TMPRSS9: variants seen among roughly 807,000 people sequenced by gnomAD.
The protein encoded by TMPRSS9 is transmembrane serine protease 9.
Under a neutral mutation model 111.4 loss-of-function variants are expected in TMPRSS9, and 113 were observed. The observed-to-expected ratio is 1.01, with a 90% CI of 0.87 to 1.19. The LOEUF (loss-of-function observed/expected upper bound fraction) is 1.19. TMPRSS9 is among the 50% of genes most tolerant of loss of function. The probability of loss-of-function intolerance (pLI) is 0.00; values close to 1 mark genes in which losing one functional copy is unlikely to be tolerated. For missense variants in TMPRSS9, 1,803 were observed against 1,513.1 expected (o/e 1.19, Z -3.18); for synonymous variants, 805 against 659.1 (o/e 1.22, Z -3.39).
chr19:2,367,345 T>G (rs996455204), intron 1 of TMPRSS9, among the ~76,000 whole-genome samples: 2 of 152,118 alleles, frequency 1.3e-5, no homozygotes, highest in Non-Finnish European at 2.9e-5. Context: ...ATAAATGAGA[T>G]GATGACTGTA....
intron 1 of TMPRSS9, among the ~76,000 whole-genome samples, chr19:2,379,957 C>A (rs1358537328): frequency 6.6e-6 from 1 of 151,786 alleles, no homozygotes; most frequent in African/African-American, 2.4e-5. Flanking sequence ...TTATGTTGCC[C>A]AAGCTGGTCT....
At chr19:2,399,168 C>A in exon 4 of TMPRSS9, 1 of 1,608,034 alleles carries the variant, frequency 6.2e-7, no homozygotes, top group Non-Finnish European at 8.5e-7. Context: ...CTGCCTATGG[C>A]ACAATTGTGT....
intron 14 of TMPRSS9, among the ~76,000 whole-genome samples, chr19:2,422,450 G>A (rs1971488899): frequency 6.6e-6 from 1 of 152,164 alleles, no homozygotes; most frequent in Non-Finnish European, 1.5e-5. Context: ...GCGTGGTGGT[G>A]GGCGCCTGTA....
chr19:2,425,788 C>T lies in TMPRSS9; in HGVS notation c.3121-139C>T, dbSNP rs559627516. 2.3e-4 allele frequency: 295 copies of T among 1,306,142 alleles called. 4 individuals carry two copies. The South Asian group carries it at 4.4e-3, about 19-fold the overall frequency. 80.9% of individuals were successfully genotyped at this position (1,306,142 alleles called of 1,614,324 possible). ...TGTCCATAAATGTCTGCCACCTTTG[C>T]ATTGAGCCCATTTTCCAGATAGTGA... On this transcript the variant is annotated intron_variant, in intron 17 of 17. Coordinates refer to ENST00000648592, the Ensembl canonical transcript of TMPRSS9.
intron 7 of TMPRSS9, 56 bp from the exon 9 acceptor site, chr19:2,408,300 C>T: frequency 6.4e-7 from 1 of 1,573,610 alleles, no homozygotes; most frequent in Non-Finnish European, 8.7e-7. Context: ...GTCCCGTCTG[C>T]CTCCCCCGAC....
intron 1 of TMPRSS9, among the ~76,000 whole-genome samples, chr19:2,379,241 A>G (rs1178939242): frequency 7.7e-6 from 1 of 130,082 alleles, no homozygotes; most frequent in African/African-American, 3.0e-5. Context: ...GCTGGAGTGC[A>G]GTGGCACAAT....
intron 10 of TMPRSS9, among the ~76,000 whole-genome samples, chr19:2,414,941 ATTTTTTTTT>A (rs909082554): frequency 7.9e-6 from 1 of 127,160 alleles, no homozygotes; most frequent in African/African-American, 2.9e-5. Flanking sequence ...TTGCATTCCT[ATTTTTTTTT>A]TTTTTTTTTT....
At chr19:2,379,175 C>CTTTTTTTTTTTT (rs201078504) in intron 1 of TMPRSS9, among the ~76,000 whole-genome samples, 1 of 124,800 alleles carries the variant, frequency 8.0e-6, no homozygotes, top group African/African-American at 3.2e-5. Flanking sequence ...GCCTGAGCTT[C>CTTTTTTTTTTTT]TTTCTCTTTT....
At position 2,424,990 on chromosome 19, in the gene TMPRSS9, C is replaced by G. The variant is rs569666096; in HGVS notation, c.2718-12C>G. The G allele has an allele frequency of 4.6e-6, 7 of 1,506,706 alleles. No individual in the cohort carries two copies. Among genetic ancestry groups the G allele is most frequent in the African/African-American group, 4.3e-5 (3 of 70,272 alleles). The allele number at this position is 1,506,706 out of a possible 1,614,324, so 93.3% of individuals were successfully genotyped here. On this transcript the variant is annotated splice_polypyrimidine_tract_variant and intron_variant, in intron 15 of 17. Transcript: ENST00000648592. ...GGGCTCGGGCCGACGCCTGTCCTCG[C>G]GCGCCCCGCAGCTACGGGGACCCCA... is the stretch of plus-strand genomic sequence containing the variant.
At chr19:2,413,352 G>A (rs992881008) in intron 9 of TMPRSS9, among the ~76,000 whole-genome samples, 2 of 152,150 alleles carry the variant, frequency 1.3e-5, no homozygotes, top group Admixed American at 6.6e-5. Flanking sequence ...AGGCACCCGC[G>A]TGGCAGCCAT....
At chr19:2,424,320 T>G (rs1158417516) in intron 15 of TMPRSS9, 63 bp downstream of exon 16, 1 of 1,285,786 alleles carries the variant, frequency 7.8e-7, no homozygotes, top group African/African-American at 1.5e-5. Context: ...ACCGAACTGT[T>G]GCCCGAAAAC....
chr19:2,411,135 A>C (rs1971085308), intron 9 of TMPRSS9, among the ~76,000 whole-genome samples: 1 of 151,556 alleles, frequency 6.6e-6, no homozygotes, highest in Non-Finnish European at 1.5e-5. Context: ...CCTTGTCTCT[A>C]CTAAAAATAC....
chr19:2,421,977 A>G (rs1369518709), exon 14 of TMPRSS9: 1 of 1,613,176 alleles, frequency 6.2e-7, no homozygotes, highest in South Asian at 1.1e-5. Flanking sequence ...GCGCATCACC[A>G]GGCTAAAGGG....
intron 1 of TMPRSS9, 192 bp from the exon 3 acceptor site, chr19:2,396,347 C>T (rs1375819798): frequency 1.6e-6 from 1 of 606,140 alleles, no homozygotes; most frequent in African/African-American, 1.9e-5. Flanking sequence ...AACCAGGATG[C>T]TTTTGGGAAT....
intron 2 of TMPRSS9, among the ~76,000 whole-genome samples, chr19:2,397,780 C>T (rs149489767): frequency 7.3e-5 from 11 of 151,278 alleles, no homozygotes; most frequent in African/African-American, 2.4e-4. Context: ...ATTAGCGGGG[C>T]GTGGTGGTGT....
chr19:2,368,522 C>T (rs1259988074), intron 1 of TMPRSS9, among the ~76,000 whole-genome samples: 3 of 152,042 alleles, frequency 2.0e-5, no homozygotes, highest in Admixed American at 6.6e-5. Flanking sequence ...GACCCGGTCG[C>T]TGTGGGGAGG....
chr19:2,412,917 G>A (rs753769684), intron 9 of TMPRSS9, among the ~76,000 whole-genome samples: 1 of 152,188 alleles, frequency 6.6e-6, no homozygotes, highest in South Asian at 2.1e-4. Flanking sequence ...GAGTCGGCCA[G>A]GCACGGTGGC....
intron 4 of TMPRSS9, among the ~76,000 whole-genome samples, chr19:2,401,021 T>A (rs1194114995): frequency 6.7e-6 from 1 of 149,088 alleles, no homozygotes; most frequent in Non-Finnish European, 1.5e-5. Flanking sequence ...ACGCCTGTAA[T>A]CCCAGCACTT....
chr19:2,402,322 C>T (rs1001416958), intron 5 of TMPRSS9, among the ~76,000 whole-genome samples: 49 of 152,116 alleles, frequency 3.2e-4, no homozygotes, highest in African/African-American at 9.2e-4. Flanking sequence ...ATTGCCTGTA[C>T]TCTCAGCTAC....
Sources: gnomAD v4.1 joint callset for allele counts (sites outside exome capture counted in the v4.1 genomes callset) on GRCh38, gnomAD v4.1.1 for gene constraint, MANE v1.5 for transcripts, NCBI Gene and HGNC (gene_info 2026-07-23, HGNC 2026-07-21) for gene names.